Variants in KCNIP4 observed in about 807,000 individuals in gnomAD.
KCNIP4 encodes Kv channel-interacting protein 4.
KCNIP4 carries 12 observed loss-of-function variants against 34.0 expected under a neutral mutation model. That is an observed-to-expected ratio of 0.35 (90% CI 0.23 to 0.57). The LOEUF is 0.57. KCNIP4 is among the 20% of genes least tolerant of loss of function. The probability of loss-of-function intolerance (pLI) is 0.83; values close to 1 mark genes in which losing one functional copy is unlikely to be tolerated. For missense variants in KCNIP4, 238 were observed against 311.7 expected, an observed-to-expected ratio of 0.76 and a Z score of 1.78; for synonymous variants, 124 against 102.2, an observed-to-expected ratio of 1.21 and a Z score of -1.29.
In KCNIP4 at chr4:21,491,443, T is replaced by C. The variant is rs141315169; in HGVS notation, c.61+457128A>G. Among the ~76,000 whole-genome samples the C allele has an allele frequency of 8.1e-3, 1,232 of 152,244 alleles. 14 individuals are homozygous for C. Among genetic ancestry groups the C allele is most frequent in the African/African-American group, 0.028 (1,184 of 41,548 alleles). On this transcript the variant is annotated intron_variant, in intron 1 of 8. Coordinates refer to ENST00000382152, the MANE Select transcript of KCNIP4 (RefSeq NM_025221.6). ...AGGCTGGAGTGCAATGGTGTGATCATAGTTCACTGCAGCCTTGGTCTTCTG... is the reference window on the plus strand; with the variant it reads ...AGGCTGGAGTGCAATGGTGTGATCACAGTTCACTGCAGCCTTGGTCTTCTG...
intron 1 of KCNIP4, among the ~76,000 whole-genome samples, chr4:21,017,660 A>G (rs1373209383): frequency 9.2e-5 from 14 of 152,174 alleles, no homozygotes; most frequent in Non-Finnish European, 5.9e-5. Context: ...ATATGTGTGC[A>G]TGTATCTTTA....
At chr4:21,654,519 T>C (rs2174249) in intron 1 of KCNIP4, among the ~76,000 whole-genome samples, 4,247 of 152,114 alleles carry the variant, frequency 0.028, 205 homozygotes, top group African/African-American at 0.097. Flanking sequence ...TATCTAAAGA[T>C]ACCTAAAGTT....
intron 1 of KCNIP4, among the ~76,000 whole-genome samples, chr4:21,800,770 T>C (rs573147772): frequency 6.6e-6 from 1 of 152,176 alleles, no homozygotes; most frequent in Admixed American, 6.5e-5. Flanking sequence ...ACAAACTCCT[T>C]CCCCAAATAA....
chr4:20,864,014 G>A (rs9291416), intron 2 of KCNIP4, among the ~76,000 whole-genome samples: 75,774 of 134,936 alleles, frequency 0.56, 22,777 homozygotes, highest in African/African-American at 0.75. Context: ...ATGTAAATGT[G>A]TGTATGTATA....
intron 1 of KCNIP4, among the ~76,000 whole-genome samples, chr4:21,330,362 T>C (rs1347663481): frequency 6.6e-6 from 1 of 152,190 alleles, no homozygotes; most frequent in Non-Finnish European, 1.5e-5. Flanking sequence ...TGTTGTGAAA[T>C]ATTCCTTTGA....
intron 1 of KCNIP4, among the ~76,000 whole-genome samples, chr4:21,346,642 A>C (rs1158110792): frequency 6.6e-6 from 1 of 152,008 alleles, no homozygotes; most frequent in Non-Finnish European, 1.5e-5. Context: ...CTCAAATTAC[A>C]TTCTTTAGTA....
At chr4:21,728,213 T>A (rs978146132) in intron 1 of KCNIP4, among the ~76,000 whole-genome samples, 1 of 152,266 alleles carries the variant, frequency 6.6e-6, no homozygotes. Flanking sequence ...ATAAGGAGCA[T>A]CTCAAAACTA....
intron 1 of KCNIP4, among the ~76,000 whole-genome samples, chr4:21,805,315 C>T (rs945737855): frequency 7.2e-5 from 11 of 152,102 alleles, no homozygotes; most frequent in Non-Finnish European, 8.8e-5. Context: ...CTCCATAATT[C>T]CCATGTGTTG....
At chr4:20,935,804 T>A (rs1474133382) in intron 1 of KCNIP4, among the ~76,000 whole-genome samples, 3 of 152,148 alleles carry the variant, frequency 2.0e-5, no homozygotes, top group Non-Finnish European at 2.9e-5. Flanking sequence ...TAATCTCAGT[T>A]CTTCTCCTAC....
chr4:21,704,524 C>A (rs1379000325), intron 1 of KCNIP4, among the ~76,000 whole-genome samples: 2 of 152,060 alleles, frequency 1.3e-5, no homozygotes, highest in Non-Finnish European at 2.9e-5. Context: ...GTGAAGCACA[C>A]AATTCAATTA....
At chr4:21,281,579 G>T (rs1762777606) in intron 1 of KCNIP4, among the ~76,000 whole-genome samples, 2 of 152,188 alleles carry the variant, frequency 1.3e-5, no homozygotes, top group Admixed American at 1.3e-4. Context: ...ATTGCAAAGT[G>T]ATTAAGTGGT....
At chr4:21,603,254 C>G (rs1468123206) in intron 1 of KCNIP4, among the ~76,000 whole-genome samples, 1 of 151,830 alleles carries the variant, frequency 6.6e-6, no homozygotes, top group Non-Finnish European at 1.5e-5. Flanking sequence ...GTAAAATGAC[C>G]TTGGAGTGAA....
At chr4:21,504,930 T>G (rs545858140) in intron 1 of KCNIP4, among the ~76,000 whole-genome samples, 1 of 152,336 alleles carries the variant, frequency 6.6e-6, no homozygotes, top group South Asian at 2.1e-4. Flanking sequence ...ATCTGTCCTC[T>G]TTGTGGTAAG....
chr4:21,439,116 C>T (rs1727217055), intron 1 of KCNIP4, among the ~76,000 whole-genome samples: 1 of 149,558 alleles, frequency 6.7e-6, no homozygotes. Context: ...GAGCCGACAT[C>T]GCGCCACTGC....
chr4:21,445,376 A>C lies in KCNIP4; in HGVS notation c.61+503195T>G, dbSNP rs539841042. On this transcript the variant is annotated intron_variant, in intron 1 of 8. Transcript: ENST00000382152. ...TCACGCTACCTGACTTCAAACTATA[A>C]TACAAGGCTACAGTAACCAAAACAG... Among the ~76,000 whole-genome samples the C allele has an allele frequency of 9.3e-4, 142 of 152,090 alleles. 2 individuals carry two copies. In the East Asian group the frequency reaches 0.019, roughly 20 times the overall value.
intron 1 of KCNIP4, among the ~76,000 whole-genome samples, chr4:21,021,920 C>T (rs1297631604): frequency 7.3e-6 from 1 of 137,240 alleles, no homozygotes; most frequent in Non-Finnish European, 1.6e-5. Context: ...GTACATAAAC[C>T]AGTAATAAAG....
chr4:21,544,493 C>T (rs1057339157), intron 1 of KCNIP4: 4 of 152,164 alleles, frequency 2.6e-5, no homozygotes, highest in Non-Finnish European at 5.9e-5. Context: ...TCTGGAAGTT[C>T]CAAGGACTAA....
intron 1 of KCNIP4, among the ~76,000 whole-genome samples, chr4:21,565,609 T>C (rs1739819079): frequency 6.6e-6 from 1 of 152,138 alleles, no homozygotes; most frequent in East Asian, 1.9e-4. Flanking sequence ...CATAGTACCA[T>C]CTCCTACAAC....
chr4:21,112,156 A>C (rs6819921), intron 1 of KCNIP4, among the ~76,000 whole-genome samples: 75,764 of 151,818 alleles, frequency 0.5, 20,699 homozygotes, highest in African/African-American at 0.74. Context: ...GTTTAAGATA[A>C]TGTCTATCCT....
Sources: gnomAD v4.1 joint callset for allele counts (sites outside exome capture counted in the v4.1 genomes callset) on GRCh38, gnomAD v4.1.1 for gene constraint, MANE v1.5 for transcripts, NCBI Gene and HGNC (gene_info 2026-07-23, HGNC 2026-07-21) for gene names.